RBPJ: variants seen among roughly 807,000 people sequenced by gnomAD.
RBPJ encodes the protein recombining binding protein suppressor of hairless.
A neutral mutation model predicts 67.8 loss-of-function variants in RBPJ; 9 were observed. That is an observed-to-expected ratio of 0.13 (90% CI 0.08 to 0.23). RBPJ has a LOEUF of 0.23. Ranked by LOEUF, RBPJ falls within the 10% of genes least tolerant of loss-of-function variation. The pLI is 1.00. For synonymous variants in RBPJ, 198 were observed against 203.3 expected, an observed-to-expected ratio of 0.97 and a Z score of 0.22; for missense variants, 305 against 595.6, an observed-to-expected ratio of 0.51 and a Z score of 5.08.
At chr4:26,192,817 C>A (rs1304978883) in intron 1 of RBPJ, among the ~76,000 whole-genome samples, 3 of 152,166 alleles carry the variant, frequency 2.0e-5, no homozygotes, top group Non-Finnish European at 2.9e-5. Flanking sequence ...AGGATAACAG[C>A]CCTCCAAAAT....
rs1384599333 is a variant in RBPJ, at chr4:26,420,646, C to T, written c.417C>T (p.Asp139=). 2 of 1,613,826 alleles carry T rather than the reference C, an allele frequency of 1.2e-6. No homozygotes were observed. The highest frequency in any genetic ancestry group is 1.7e-5 in the Admixed American group (1 of 60,000). ...SVKMFYGNSD[D]IGVFLSKRIK... The stretch of plus-strand genomic sequence containing the variant: ...AGATGTTCTATGGCAACAGTGATGA[C>T]ATTGGTGTGTTCCTCAGCAAGCGGA... The change falls in exon 5 of 11, where the codon GAC becomes GAT. Residue 139 remains aspartate, a synonymous_variant. Transcript: ENST00000355476.
At chr4:26,171,123 ATATT>A (rs1251132913) in intron 1 of RBPJ, among the ~76,000 whole-genome samples, 4 of 152,222 alleles carry the variant, frequency 2.6e-5, no homozygotes, top group African/African-American at 9.7e-5. Flanking sequence ...ATTGTTGAAG[ATATT>A]TAGACTTATT....
At chr4:26,156,599 T>C in the RBPJ span, among the ~76,000 whole-genome samples, 3 of 108,210 alleles carry the variant, frequency 2.8e-5, no homozygotes, top group South Asian at 1.2e-3. Flanking sequence ...TTTGTATTTT[T>C]AGTAGAGCCC....
chr4:26,180,268 CCT>C (rs1425108178), intron 1 of RBPJ, among the ~76,000 whole-genome samples: 23 of 151,818 alleles, frequency 1.5e-4, no homozygotes, highest in Non-Finnish European at 2.9e-5. Context: ...ATAACAAACC[CCT>C]GTGACATGAG....
intron 1 of RBPJ, among the ~76,000 whole-genome samples, chr4:26,307,887 C>T (rs1188230438): frequency 6.6e-6 from 1 of 152,158 alleles, no homozygotes; most frequent in Non-Finnish European, 1.5e-5. Context: ...CTAATCATGA[C>T]AGAATTTAGT....
chr4:26,198,074 G>A (rs968959202), intron 1 of RBPJ, among the ~76,000 whole-genome samples: 1 of 152,006 alleles, frequency 6.6e-6, no homozygotes, highest in South Asian at 2.1e-4. Context: ...CCTCAACATG[G>A]AGGAACCCCG....
At chr4:26,196,600 C>T (rs934606986) in intron 1 of RBPJ, among the ~76,000 whole-genome samples, 2 of 152,182 alleles carry the variant, frequency 1.3e-5, no homozygotes, top group Non-Finnish European at 2.9e-5. Flanking sequence ...AACTGAGTAG[C>T]CTATCCAAGG....
Position 26,424,358 on chromosome 4 carries a change from A to T in RBPJ, c.513A>T (p.Gly171=), listed in dbSNP as rs1021152690. The change falls in exon 6 of 11, where the codon GGA becomes GGT. Residue 171 remains glycine, a synonymous_variant. Transcript: ENST00000355476. This position sits in a 1 kb window ranked among gnomAD's most constrained non-coding sequence, Gnocchi z 5.3. ...LKNADLCIAS[G]TKVALFNRLR... is the part of the protein sequence containing the mutation. The stretch of plus-strand genomic sequence containing the variant: ...TCTTTGCAGTATGCATTGCCTCAGG[A>T]ACAAAGGTGGCTCTGTTTAATCGAC... 2 of 1,613,836 alleles carry T rather than the reference A, an allele frequency of 1.2e-6. No individual in the cohort carries two copies. The highest frequency in any genetic ancestry group is 1.3e-5 in the African/African-American group (1 of 75,050).
chr4:26,124,391 T>G, the RBPJ span, among the ~76,000 whole-genome samples: 1 of 138,700 alleles, frequency 7.2e-6, no homozygotes, highest in Non-Finnish European at 1.5e-5. Context: ...ACTCATTCCT[T>G]TTTATGGCTG....
chr4:26,324,687 A>T (rs1180294131), intron 1 of RBPJ, among the ~76,000 whole-genome samples: 1 of 151,986 alleles, frequency 6.6e-6, no homozygotes, highest in Non-Finnish European at 1.5e-5. Context: ...ACACCATCAT[A>T]CCTGGCTAAT....
At chr4:26,323,835 T>A (rs567967202) in intron 1 of RBPJ, among the ~76,000 whole-genome samples, 2 of 152,224 alleles carry the variant, frequency 1.3e-5, no homozygotes, top group Non-Finnish European at 2.9e-5. Context: ...GAAAAAATTG[T>A]TTCGTTTGAA....
chr4:26,213,538 T>C (rs1029647715), intron 1 of RBPJ, among the ~76,000 whole-genome samples: 25 of 152,018 alleles, frequency 1.6e-4, no homozygotes, highest in African/African-American at 5.6e-4. Context: ...GAACAGCAGA[T>C]GGTAAGTGAG....
rs111203901 is a variant in RBPJ at position 26,215,107 on chromosome 4, A to G, written c.-167+51493A>G. ...AAAAAGACAGAAAGAGAAAGAAAGA[A>G]AAAGAAAGAAAGGAAAGAGAAACAA... On this transcript the variant is annotated intron_variant, in intron 1 of 4. Coordinates refer to the RBPJ transcript ENST00000512351. 1.0e-3 allele frequency among the ~76,000 whole-genome samples: 12 copies of G among 11,660 alleles called. 1 individual carries two copies. In the East Asian group the frequency reaches 0.068, roughly 66 times the overall value. The allele number at this position is 11,660 out of a possible 152,430, so 7.6% of individuals were successfully genotyped here.
Position 26,185,377 on chromosome 4 carries a change from T to C in RBPJ, c.-167+21763T>C, listed in dbSNP as rs1381592849. 4.6e-5 allele frequency among the ~76,000 whole-genome samples: 7 copies of C among 152,124 alleles called. No individual in the cohort carries two copies. The South Asian group carries it at 1.2e-3, about 27-fold the overall frequency. The stretch of plus-strand genomic sequence containing the variant: ...ACAGTGGCAAGAGATGGAAGAAAAA[T>C]GGTTTCTCTCCTCAACACCACGGTC... On this transcript the variant is annotated intron_variant, in intron 1 of 4. Transcript: ENST00000512351.
At chr4:26,214,889 GAAA>G (rs202052772) in intron 1 of RBPJ, among the ~76,000 whole-genome samples, 1 of 23,996 alleles carries the variant, frequency 4.2e-5, no homozygotes, top group African/African-American at 1.6e-4. Context: ...AAAAGAGAGA[GAAA>G]AAAGAGAAAA....
At chr4:26,209,637 C>CTCCCCCTT (rs1718303120) in intron 1 of RBPJ, among the ~76,000 whole-genome samples, 6 of 62,764 alleles carry the variant, frequency 9.6e-5, no homozygotes, top group African/African-American at 2.0e-4. Context: ...CTCTCTCCCT[C>CTCCCCCTT]CCTTCCTCCT....
chr4:26,199,254 G>T (rs1255665832), intron 1 of RBPJ, among the ~76,000 whole-genome samples: 1 of 152,150 alleles, frequency 6.6e-6, no homozygotes, highest in Non-Finnish European at 1.5e-5. Flanking sequence ...GACCATCCTG[G>T]CCAACATGGT....
At chr4:26,271,588 G>C (rs1272974141) in intron 1 of RBPJ, among the ~76,000 whole-genome samples, 4 of 152,020 alleles carry the variant, frequency 2.6e-5, no homozygotes, top group Non-Finnish European at 1.5e-5. Context: ...TGACAACTGA[G>C]TTCTTTTTAG....
intron 3 of RBPJ, among the ~76,000 whole-genome samples, chr4:26,412,235 G>C (rs540633129): frequency 6.6e-6 from 1 of 151,852 alleles, no homozygotes; most frequent in Non-Finnish European, 1.5e-5. Flanking sequence ...TGAAAACCCC[G>C]AGTGCCAACA....
Sources: gnomAD v4.1 joint callset for allele counts (sites outside exome capture counted in the v4.1 genomes callset) on GRCh38, gnomAD v4.1.1 for gene constraint, Gnocchi (gnomAD v3.1) non-coding constraint, MANE v1.5 for transcripts, NCBI Gene and HGNC (gene_info 2026-07-23, HGNC 2026-07-21) for gene names.